The following PAPPA variants were observed in gnomAD, a reference collection of about 807,000 sequenced individuals.
The protein encoded by PAPPA is pappalysin 1.
A neutral mutation model predicts 164.0 loss-of-function variants in PAPPA; 60 were observed. That is an observed-to-expected ratio of 0.37 (90% confidence interval 0.30 to 0.45). The LOEUF is 0.45. PAPPA is among the 20% of genes least tolerant of loss of function. PAPPA has a pLI of 1.00. For synonymous variants in PAPPA, 875 were observed against 814.1 expected, an observed-to-expected ratio of 1.07 and a Z score of -1.27; for missense variants, 1,782 against 2,087.3, an observed-to-expected ratio of 0.85 and a Z score of 2.85.
intron 18 of PAPPA, 87 bp from the exon 19 acceptor site, chr9:116,367,558 A>G: frequency 2.1e-6 from 2 of 933,308 alleles, no homozygotes; most frequent in Non-Finnish European, 3.4e-6. Context: ...GGGACCAGGG[A>G]GTGGGAGGGC....
chr9:116,252,499 G>A, intron 7 of PAPPA, among the ~76,000 whole-genome samples: 1 of 152,176 alleles, frequency 6.6e-6, no homozygotes, highest in East Asian at 1.9e-4. Flanking sequence ...ACCTGAAGTG[G>A]AAGGGCTGCA....
rs570443635 is a variant in PAPPA, at chr9:116,254,826, G to T, written c.2733-11031G>T. 3.3e-5 allele frequency among the ~76,000 whole-genome samples: 5 copies of T among 150,876 alleles called. 1 individual carries two copies. The South Asian group carries it at 1.1e-3, about 32-fold the overall frequency. ...AAGAGAGAAAGAAAGACACTGAAAGGATCCTGACCAAAACGTTCCTGGTAG... is the reference window on the plus strand; with the variant it reads ...AAGAGAGAAAGAAAGACACTGAAAGTATCCTGACCAAAACGTTCCTGGTAG... On this transcript the variant is annotated intron_variant, in intron 7 of 21. Transcript: ENST00000328252.
At chr9:116,276,726 T>G (rs1845203332) in intron 9 of PAPPA, among the ~76,000 whole-genome samples, 2 of 152,148 alleles carry the variant, frequency 1.3e-5, no homozygotes, top group Non-Finnish European at 2.9e-5. Flanking sequence ...CCCACTCCTC[T>G]TCTCTCCCCT....
intron 10 of PAPPA, among the ~76,000 whole-genome samples, chr9:116,307,548 G>A (rs1885981): frequency 0.55 from 83,658 of 151,926 alleles, 25,639 homozygotes; most frequent in Middle Eastern, 0.7. Flanking sequence ...GCAGTGAGCC[G>A]AGACGGTGCC....
intron 2 of PAPPA, among the ~76,000 whole-genome samples, chr9:116,192,511 G>C (rs111956305): frequency 4.3e-4 from 65 of 152,050 alleles, no homozygotes; most frequent in African/African-American, 1.4e-3. Flanking sequence ...ATAAATATTT[G>C]TTGAATGCTC....
intron 9 of PAPPA, among the ~76,000 whole-genome samples, chr9:116,282,989 G>A (rs1057304076): frequency 6.6e-6 from 1 of 152,092 alleles, no homozygotes; most frequent in African/African-American, 2.4e-5. Context: ...AATTATTAAA[G>A]GACTGAGTTT....
chr9:116,384,947 A>T (rs1846787090), intron 21 of PAPPA, among the ~76,000 whole-genome samples: 1 of 152,206 alleles, frequency 6.6e-6, no homozygotes, highest in Non-Finnish European at 1.5e-5. Flanking sequence ...ACTAAAATAT[A>T]AAATATGAAG....
At chr9:116,307,790 C>T (rs755642213) in intron 10 of PAPPA, among the ~76,000 whole-genome samples, 1 of 152,092 alleles carries the variant, frequency 6.6e-6, no homozygotes, top group Non-Finnish European at 1.5e-5. Context: ...TGGCTCTGCT[C>T]TCTTAAATTC....
chr9:116,213,666 A>G (rs1483352315), intron 4 of PAPPA, among the ~76,000 whole-genome samples: 1 of 151,922 alleles, frequency 6.6e-6, no homozygotes, highest in Non-Finnish European at 1.5e-5. Context: ...CATAAACTAA[A>G]TCTTTTTTTT....
In PAPPA at chr9:116,243,583, T is replaced by C. The variant is rs1844761525; in HGVS notation, c.2732+7946T>C. Reference sequence around the variant, plus strand: ...ACCCCAAAGGGTGTGCCTGGCAAGATACAGAGCACAGTCATTGTCATAATG... The same window carrying C: ...ACCCCAAAGGGTGTGCCTGGCAAGACACAGAGCACAGTCATTGTCATAATG... On this transcript the variant is annotated intron_variant, in intron 7 of 21. Transcript: ENST00000328252. Among the ~76,000 whole-genome samples the C allele has an allele frequency of 1.3e-5, 2 of 152,154 alleles. 1 individual carries two copies. Among genetic ancestry groups the C allele is most frequent in the South Asian group, 4.1e-4 (2 of 4,832 alleles).
intron 6 of PAPPA, among the ~76,000 whole-genome samples, chr9:116,229,084 G>A (rs2118727780): frequency 6.6e-6 from 1 of 152,290 alleles, no homozygotes; most frequent in South Asian, 2.1e-4. Context: ...CAGGCTTATG[G>A]TAATAGAAGT....
chr9:116,342,102 A>C (rs1166460805), intron 13 of PAPPA, among the ~76,000 whole-genome samples: 5 of 152,348 alleles, frequency 3.3e-5, no homozygotes, highest in South Asian at 4.1e-4. Context: ...TCTTCATAAG[A>C]GCCCAGGTAC....
chr9:116,241,026 A>G (rs1449350105), intron 7 of PAPPA, among the ~76,000 whole-genome samples: 4 of 152,186 alleles, frequency 2.6e-5, no homozygotes, highest in Admixed American at 6.5e-5. Context: ...TCTCAATATA[A>G]TTCTTTGGGG....
rs1169043319 is a variant in PAPPA at position 116,260,388 on chromosome 9, C to G, written c.2733-5469C>G. Reference sequence around the variant, plus strand: ...GCATGTATAGTCTTTGGCACATCATCTCAGGCTCAAAAAGTGAATGTTTCC... The same window carrying G: ...GCATGTATAGTCTTTGGCACATCATGTCAGGCTCAAAAAGTGAATGTTTCC... On this transcript the variant is annotated intron_variant, in intron 7 of 21. Coordinates refer to ENST00000328252, the MANE Select transcript of PAPPA (RefSeq NM_002581.5). Among the ~76,000 whole-genome samples the G allele has an allele frequency of 2.0e-5, 3 of 152,174 alleles. No individual in the cohort carries two copies. The East Asian group carries it at 5.8e-4, about 29-fold the overall frequency.
intron 1 of PAPPA, among the ~76,000 whole-genome samples, chr9:116,167,768 C>T: frequency 6.6e-6 from 1 of 152,106 alleles, no homozygotes. Context: ...CAGGATGACC[C>T]CTTTACAGAA....
At chr9:116,181,070 A>G (rs1443711606) in intron 1 of PAPPA, among the ~76,000 whole-genome samples, 2 of 152,228 alleles carry the variant, frequency 1.3e-5, no homozygotes, top group African/African-American at 4.8e-5. Context: ...CAAAACAGCA[A>G]TTGAGTAAAT....
At chr9:116,226,671 T>A (rs1844514514) in intron 5 of PAPPA, among the ~76,000 whole-genome samples, 1 of 152,140 alleles carries the variant, frequency 6.6e-6, no homozygotes, top group Admixed American at 6.5e-5. Flanking sequence ...CATAAACAGA[T>A]GCCAAATCTG....
chr9:116,205,994 G>A (rs1236768488), intron 2 of PAPPA, among the ~76,000 whole-genome samples: 1 of 152,092 alleles, frequency 6.6e-6, no homozygotes, highest in African/African-American at 2.4e-5. Flanking sequence ...CCTAGCACAG[G>A]GTCTGGCATA....
intron 10 of PAPPA, among the ~76,000 whole-genome samples, chr9:116,312,914 T>G (rs1845738975): frequency 6.6e-6 from 1 of 151,684 alleles, no homozygotes; most frequent in Non-Finnish European, 1.5e-5. Context: ...AAACCTCATC[T>G]CTACTAAAAA....
Sources: allele counts gnomAD v4.1 joint callset (sites outside exome capture counted in the v4.1 genomes callset), GRCh38; gene constraint gnomAD v4.1.1; transcripts MANE v1.5; gene names NCBI Gene and HGNC (gene_info 2026-07-23, HGNC 2026-07-21).